The following NCKAP1L variants were observed in gnomAD, a reference collection of about 807,000 sequenced individuals.
The protein encoded by NCKAP1L is NCK associated protein 1 like.
Under a neutral mutation model 139.2 loss-of-function variants are expected in NCKAP1L, and 53 were observed. The observed-to-expected ratio is 0.38, with a 90% CI of 0.31 to 0.48. NCKAP1L has a LOEUF of 0.48. NCKAP1L is among the 20% of genes least tolerant of loss of function. The pLI is 0.98. For synonymous variants in NCKAP1L, 468 were observed against 499.7 expected, an observed-to-expected ratio of 0.94 and a Z score of 0.85; for missense variants, 1,151 against 1,381.9, an observed-to-expected ratio of 0.83 and a Z score of 2.65.
chr12:54,521,637 G>C (rs889354989), intron 18 of NCKAP1L, among the ~76,000 whole-genome samples: 1 of 152,046 alleles, frequency 6.6e-6, no homozygotes, highest in East Asian at 1.9e-4. Flanking sequence ...TTAATCTGTG[G>C]CTCTCTGGAC....
chr12:54,509,569 A>C, intron 5 of NCKAP1L, 100 bp from the exon 6 acceptor site: 1 of 780,508 alleles, frequency 1.3e-6, no homozygotes, highest in East Asian at 2.4e-5. Context: ...GGTGGTGGGG[A>C]GTGCCAGCCT....
At chr12:54,523,796 C>T (rs1344528216) in intron 19 of NCKAP1L, 29 bp from the exon 20 acceptor site, 1 of 1,604,772 alleles carries the variant, frequency 6.2e-7, no homozygotes, top group East Asian at 2.2e-5. Context: ...AGTGCCAGAC[C>T]TGTAATCCAG....
intron 3 of NCKAP1L, among the ~76,000 whole-genome samples, chr12:54,506,794 A>ATATATATAT (rs1468649208): frequency 9.6e-3 from 228 of 23,680 alleles, no homozygotes; most frequent in African/African-American, 0.033. Flanking sequence ...TTAAAAAAAA[A>ATATATATAT]AAATATATAT....
At chr12:54,505,204 G>A (rs769832481) in intron 3 of NCKAP1L, among the ~76,000 whole-genome samples, 9 of 152,242 alleles carry the variant, frequency 5.9e-5, no homozygotes, top group South Asian at 2.1e-4. Flanking sequence ...TGGAGACGGG[G>A]CACTGCCTGC....
intron 26 of NCKAP1L, among the ~76,000 whole-genome samples, chr12:54,533,265 T>G (rs147448232): frequency 2.7e-4 from 41 of 152,272 alleles, no homozygotes; most frequent in African/African-American, 9.6e-4. Flanking sequence ...GCTCCAATCT[T>G]TAGGCTCTGC....
At chr12:54,537,910 C>T (rs1269693389) in intron 29 of NCKAP1L, among the ~76,000 whole-genome samples, 1 of 152,094 alleles carries the variant, frequency 6.6e-6, no homozygotes, top group South Asian at 2.1e-4. Context: ...GTAACTCTCA[C>T]CATGGATCTT....
chr12:54,542,926 C>T lies in NCKAP1L; in HGVS notation c.*241C>T. On this transcript the variant is annotated 3_prime_UTR_variant, in exon 31 of 31. Transcript: ENST00000293373. ...TGGAAAAAGTTAGGGCGTGGGGCCA[C>T]ATGTGTGAATTTTACAATGAAAAAA... 2.3e-6 allele frequency: 1 copy of T among 438,926 alleles called. No individual in the cohort carries two copies. Among genetic ancestry groups the T allele is most frequent in the Non-Finnish European group, 4.1e-6 (1 of 244,934 alleles). 27.2% of individuals were successfully genotyped at this position (438,926 alleles called of 1,614,324 possible).
intron 22 of NCKAP1L, among the ~76,000 whole-genome samples, chr12:54,528,926 C>A (rs905803352): frequency 6.6e-6 from 1 of 152,142 alleles, no homozygotes; most frequent in Admixed American, 6.5e-5. Context: ...TGAGCCACCA[C>A]CCCCAGCCAG....
Position 54,531,317 on chromosome 12 carries a change from A to G in NCKAP1L, c.2564A>G (p.Asn855Ser), listed in dbSNP as rs752471887. 1.5e-5 allele frequency: 25 copies of G among 1,613,972 alleles called. No individual in the cohort carries two copies. Among genetic ancestry groups the G allele is most frequent in the Non-Finnish European group, 2.1e-5 (25 of 1,179,986 alleles). ...GPYGMKFLSENLMWHVTSQIV... is the reference protein window; with the variant it reads ...GPYGMKFLSESLMWHVTSQIV... ...TATGGCATGAAGTTCCTGAGTGAAA[A>G]CCTGATGTGGCATGTGACCTCTCAG... The change falls in exon 23 of 31, where the codon AAC becomes AGC. Residue 855 changes from asparagine (N) to serine (S), a missense_variant. Transcript: ENST00000293373.
chr12:54,538,795 C>T, intron 29 of NCKAP1L, 89 bp from the exon 30 acceptor site: 1 of 975,968 alleles, frequency 1.0e-6, no homozygotes, highest in East Asian at 2.5e-5. Flanking sequence ...TCTTAACTCT[C>T]TCCTTGATCT....
intron 3 of NCKAP1L, among the ~76,000 whole-genome samples, chr12:54,503,798 C>G (rs1247434049): frequency 1.3e-5 from 2 of 151,928 alleles, no homozygotes; most frequent in Non-Finnish European, 2.9e-5. Context: ...GCCACCACGC[C>G]TCGTTAATTT....
At chr12:54,514,358 G>A (rs1393924498) in intron 9 of NCKAP1L, among the ~76,000 whole-genome samples, 2 of 147,578 alleles carry the variant, frequency 1.4e-5, no homozygotes, top group Non-Finnish European at 3.0e-5. Context: ...TTTTGCCCTT[G>A]TTGCCCAGGC....
In NCKAP1L at chr12:54,547,534, G is replaced by GTGTGTT. The variant is rs1957208140; in HGVS notation, c.*4849_*4850insTGTGTT. 6.6e-6 allele frequency: 1 copy of GTGTGTT among 151,792 alleles called. No individual in the cohort carries two copies. Among genetic ancestry groups the GTGTGTT allele is most frequent in the African/African-American group, 2.4e-5 (1 of 41,014 alleles). The allele number at this position is 151,792 out of a possible 1,614,324, so 9.4% of individuals were successfully genotyped here. On this transcript the variant is annotated 3_prime_UTR_variant, in exon 31 of 31. Transcript: ENST00000293373. ...TGTGTGTGTGTGTGTGTGTGTGTGT[G>GTGTGTT]AATTAGCCTTAAAATGAATCAGGAG... is the stretch of plus-strand genomic sequence containing the variant.
intron 9 of NCKAP1L, among the ~76,000 whole-genome samples, chr12:54,512,893 C>T (rs1014941835): frequency 1.3e-5 from 2 of 151,906 alleles, no homozygotes; most frequent in Non-Finnish European, 2.9e-5. Context: ...GAGAAACTAT[C>T]AAGATTTTTG....
chr12:54,531,844 G>A lies in NCKAP1L; in HGVS notation c.2781+19G>A. ...TCGGGAGGTGAGTTGGTGGGGAGGG[G>A]TCTGTCACAGAGTCACAGATACCTC... is the stretch of plus-strand genomic sequence containing the variant. On this transcript the variant is annotated intron_variant, in intron 25 of 30. Coordinates refer to ENST00000293373, the MANE Select transcript of NCKAP1L (RefSeq NM_005337.5). 1.3e-6 allele frequency: 2 copies of A among 1,581,148 alleles called. No individual in the cohort carries two copies. Among genetic ancestry groups the A allele is most frequent in the South Asian group, 1.1e-5 (1 of 90,362 alleles).
In NCKAP1L at chr12:54,528,343, G is replaced by A; in HGVS notation, c.2472G>A (p.Gln824=). 1 of 1,614,024 alleles carries A rather than the reference G, an allele frequency of 6.2e-7. No homozygotes were observed. The highest frequency in any genetic ancestry group is 2.2e-5 in the East Asian group (1 of 44,880). The change falls in exon 22 of 31, where the codon CAG becomes CAA. Residue 824 remains glutamine (Q), a synonymous_variant. Coordinates refer to ENST00000293373, the MANE Select transcript of NCKAP1L (RefSeq NM_005337.5). ...TCAGCCTGCCCAGAGAAGGGGAGCAGAACTTCAGTGCAGAGGAGTTCTCTG... is the reference window on the plus strand; with the variant it reads ...TCAGCCTGCCCAGAGAAGGGGAGCAAAACTTCAGTGCAGAGGAGTTCTCTG... ...AFVSLPREGE[Q]NFSAEEFSDI...
At chr12:54,509,025 T>A (rs1395043385) in intron 5 of NCKAP1L, among the ~76,000 whole-genome samples, 1 of 152,232 alleles carries the variant, frequency 6.6e-6, no homozygotes, top group Non-Finnish European at 1.5e-5. Flanking sequence ...ATTTTCAGGT[T>A]ATTACAAAAG....
At chr12:54,505,391 A>T (rs1956831738) in intron 3 of NCKAP1L, among the ~76,000 whole-genome samples, 2 of 151,142 alleles carry the variant, frequency 1.3e-5, no homozygotes, top group Non-Finnish European at 2.9e-5. Flanking sequence ...ATGCCTGTGT[A>T]ACCACCACTA....
At chr12:54,530,113 T>C (rs1957056133) in intron 22 of NCKAP1L, among the ~76,000 whole-genome samples, 2 of 152,260 alleles carry the variant, frequency 1.3e-5, no homozygotes, top group South Asian at 4.1e-4. Flanking sequence ...CCATTTCCTC[T>C]GTCACTGATG....
Sources: allele counts gnomAD v4.1 joint callset (sites outside exome capture counted in the v4.1 genomes callset), GRCh38; gene constraint gnomAD v4.1.1; transcripts MANE v1.5; gene names NCBI Gene and HGNC (gene_info 2026-07-23, HGNC 2026-07-21).